The following TWIST2 variants were observed in gnomAD, a reference collection of about 807,000 sequenced individuals.
TWIST2 encodes the protein twist family bHLH transcription factor 2.
In TWIST2, 1 loss-of-function variant was observed where a neutral mutation model predicts 11.6. The ratio of observed to expected loss-of-function variants is 0.09; its 90% CI spans 0.03 to 0.41. The LOEUF is 0.41. Among genes scored for constraint, TWIST2 ranks in the 10% least tolerant of loss-of-function variants. The probability of loss-of-function intolerance (pLI) is 0.98; values close to 1 mark genes in which losing one functional copy is unlikely to be tolerated. For missense variants in TWIST2, 168 were observed against 226.4 expected (o/e 0.74, Z 1.66); for synonymous variants, 87 against 96.6 (o/e 0.90, Z 0.58).
Position 238,863,689 on chromosome 2 carries a change from C to T in TWIST2, c.*35+14956C>T, listed in dbSNP as rs1228547634. Among the ~76,000 whole-genome samples, 1 of 152,178 alleles carries T rather than the reference C, an allele frequency of 6.6e-6. No individual in the cohort carries two copies. The highest frequency in any genetic ancestry group is 1.5e-5 in the Non-Finnish European group (1 of 68,032). The stretch of plus-strand genomic sequence containing the variant: ...GCAAGTGGGAAAAAACCTCAATGAA[C>T]CCCTTAGCTGTTCCCCGAACCCAAA... On this transcript the variant is annotated intron_variant, in intron 1 of 1. Coordinates refer to ENST00000612363, the MANE Select transcript of TWIST2 (RefSeq NM_001271893.4). The surrounding 1 kb of genome is among the most constrained non-coding windows in gnomAD (Gnocchi z 4.7).
intron 1 of TWIST2, among the ~76,000 whole-genome samples, chr2:238,899,485 T>C (rs1048885608): frequency 7.6e-4 from 115 of 152,302 alleles, no homozygotes; most frequent in African/African-American, 1.9e-3. Context: ...AACTGAGAGC[T>C]GGACAGGTTA....
chr2:238,877,162 G>A (rs141238700), intron 1 of TWIST2, among the ~76,000 whole-genome samples: 1,739 of 152,168 alleles, frequency 0.011, 43 homozygotes, highest in African/African-American at 0.039. Flanking sequence ...GTGCCACTGC[G>A]CTCCAGCCTG....
chr2:238,872,693 G>T (rs574507474), intron 1 of TWIST2, among the ~76,000 whole-genome samples: 2 of 152,334 alleles, frequency 1.3e-5, no homozygotes, highest in African/African-American at 4.8e-5. Flanking sequence ...TAGGGCACAG[G>T]CCTAGCCACG....
intron 1 of TWIST2, among the ~76,000 whole-genome samples, chr2:238,909,042 T>A (rs1362708650): frequency 1.8e-4 from 1 of 5,532 alleles, no homozygotes; most frequent in African/African-American, 6.5e-4. Context: ...GTATTCGTGG[T>A]TGTGGTATGT....
intron 1 of TWIST2, among the ~76,000 whole-genome samples, chr2:238,906,795 CT>C (rs1693361624): frequency 6.6e-6 from 1 of 152,204 alleles, no homozygotes; most frequent in African/African-American, 2.4e-5. Context: ...TGGCGGCCGC[CT>C]TGGGGAGCCC....
intron 1 of TWIST2, among the ~76,000 whole-genome samples, chr2:238,849,284 G>T (rs1353754943): frequency 6.6e-6 from 1 of 152,226 alleles, no homozygotes; most frequent in Non-Finnish European, 1.5e-5. Context: ...GGCCGTCGGC[G>T]CCCTGGCCTG....
chr2:238,886,049 T>C lies in TWIST2; in HGVS notation c.*36-23793T>C, dbSNP rs150784250. Among the ~76,000 whole-genome samples, 1,223 of 150,214 alleles carry C rather than the reference T, an allele frequency of 8.1e-3. 21 individuals carry two copies. Among genetic ancestry groups the C allele is most frequent in the African/African-American group, 0.029 (1,180 of 40,656 alleles). On this transcript the variant is annotated intron_variant, in intron 1 of 1. Transcript: ENST00000612363. The stretch of plus-strand genomic sequence containing the variant: ...AGGCGGAGGTTGCAGTGAGCCGAGA[T>C]TGCGCCATTGCACTCCAGCCTGGGT...
intron 1 of TWIST2, 38 bp downstream of exon 1, chr2:238,848,771 G>T (rs1431613736): frequency 7.6e-7 from 1 of 1,318,932 alleles, no homozygotes; most frequent in Non-Finnish European, 9.6e-7. Context: ...CTCCGCTGCG[G>T]GGGGCGGGCG....
intron 1 of TWIST2, among the ~76,000 whole-genome samples, chr2:238,887,861 C>T (rs998096464): frequency 1.3e-5 from 2 of 152,236 alleles, no homozygotes; most frequent in African/African-American, 2.4e-5. Flanking sequence ...CATGAACCTC[C>T]TGAGATTCAG....
At position 238,848,551 on chromosome 2, in the gene TWIST2, G is replaced by T; in HGVS notation, c.336G>T (p.Arg112Ser). ...SKIQTLKLAA[R>S]YIDFLYQVLQ... ...TCCAGACGCTCAAGCTGGCCGCCAG[G>T]TACATAGACTTCCTCTACCAGGTCC... The change falls in exon 1 of 2, where the codon AGG becomes AGT. Residue 112 changes from arginine to serine, a missense_variant. By Grantham distance (110) the Arg-to-Ser change is moderately radical. This residue lies in a region of TWIST2 where 62 missense variants were observed against 75.3 expected (regional missense o/e 0.82). Transcript: ENST00000612363. 6.3e-7 allele frequency: 1 copy of T among 1,590,662 alleles called. No homozygotes were observed. The highest frequency in any genetic ancestry group is 8.5e-7 in the Non-Finnish European group (1 of 1,170,540).
At chr2:238,899,908 C>T (rs1013753401) in intron 1 of TWIST2, among the ~76,000 whole-genome samples, 1 of 152,058 alleles carries the variant, frequency 6.6e-6, no homozygotes. Flanking sequence ...ATCTCTGGAC[C>T]TTCCTCTTAA....
At chr2:238,874,618 C>T (rs1190220802) in intron 1 of TWIST2, among the ~76,000 whole-genome samples, 1 of 152,196 alleles carries the variant, frequency 6.6e-6, no homozygotes. Flanking sequence ...ATAGTACATA[C>T]ATTCGTTCAC....
intron 1 of TWIST2, among the ~76,000 whole-genome samples, chr2:238,854,711 C>A (rs537673785): frequency 6.6e-6 from 1 of 152,308 alleles, no homozygotes; most frequent in Non-Finnish European, 1.5e-5. Flanking sequence ...GATGCCCCTG[C>A]TGAAGGGTGG....
At chr2:238,879,977 G>C (rs142964403) in intron 1 of TWIST2, among the ~76,000 whole-genome samples, 1,569 of 152,350 alleles carry the variant, frequency 0.01, 20 homozygotes, top group Non-Finnish European at 0.018. Context: ...TATGGAGAGT[G>C]CTTGCCCTGC....
Position 238,867,461 on chromosome 2 carries a change from G to A in TWIST2, c.*35+18728G>A, listed in dbSNP as rs971185275. 1.3e-5 allele frequency among the ~76,000 whole-genome samples: 2 copies of A among 151,166 alleles called. No homozygotes were observed. Among genetic ancestry groups the A allele is most frequent in the Non-Finnish European group, 2.9e-5 (2 of 67,906 alleles). ...CACCAGGCTTTATGCAGTGGCTCTG[G>A]GGGCAGGGGCACAATAAAGAGAAGT... On this transcript the variant is annotated intron_variant, in intron 1 of 1. Coordinates refer to ENST00000612363, the MANE Select transcript of TWIST2 (RefSeq NM_001271893.4). The surrounding 1 kb of genome is among the most constrained non-coding windows in gnomAD (Gnocchi z 4.8).
intron 1 of TWIST2, among the ~76,000 whole-genome samples, chr2:238,895,519 T>C (rs1466058589): frequency 6.6e-6 from 1 of 152,238 alleles, no homozygotes; most frequent in Non-Finnish European, 1.5e-5. Flanking sequence ...GTTGAAAGGG[T>C]TCCTGGACTT....
At chr2:238,869,887 A>G (rs1276894233) in intron 1 of TWIST2, among the ~76,000 whole-genome samples, 1 of 152,026 alleles carries the variant, frequency 6.6e-6, no homozygotes, top group African/African-American at 2.4e-5. Flanking sequence ...GTTTGAGGTT[A>G]CAGTGAGCTA....
chr2:238,852,493 A>T (rs1250297687), intron 1 of TWIST2, among the ~76,000 whole-genome samples: 3 of 152,252 alleles, frequency 2.0e-5, no homozygotes, highest in African/African-American at 7.2e-5. Flanking sequence ...TACTGTAGCC[A>T]AGGACTGGAA....
chr2:238,852,672 C>CATGCAT (rs1269130833), intron 1 of TWIST2, among the ~76,000 whole-genome samples: 1 of 146,166 alleles, frequency 6.8e-6, no homozygotes, highest in Admixed American at 7.1e-5. Flanking sequence ...CACACACGCA[C>CATGCAT]ATGCACGTGC....
Sources: gnomAD v4.1 joint callset for allele counts (sites outside exome capture counted in the v4.1 genomes callset) on GRCh38, gnomAD v4.1.1 for gene constraint, gnomAD v4.1.1 regional missense constraint, Gnocchi (gnomAD v3.1) non-coding constraint, MANE v1.5 for transcripts, NCBI Gene and HGNC (gene_info 2026-07-23, HGNC 2026-07-21) for gene names.